Variants in PHACTR2 observed in about 807,000 individuals in gnomAD.
The protein encoded by PHACTR2 is phosphatase and actin regulator 2.
In PHACTR2, 30 loss-of-function variants were observed where a neutral mutation model predicts 76.0. The observed-to-expected ratio is 0.39, with a 90% CI of 0.30 to 0.54. PHACTR2 has a LOEUF of 0.54. PHACTR2 is among the 20% of genes least tolerant of loss of function. The probability of loss-of-function intolerance (pLI) is 0.61; values close to 1 mark genes in which losing one functional copy is unlikely to be tolerated. For synonymous variants in PHACTR2, 292 were observed against 292.5 expected, an observed-to-expected ratio of 1.00 and a Z score of 0.02; for missense variants, 696 against 781.1, an observed-to-expected ratio of 0.89 and a Z score of 1.30.
At chr6:143,714,170 C>T (rs1236129954) in intron 2 of PHACTR2, among the ~76,000 whole-genome samples, 1 of 152,108 alleles carries the variant, frequency 6.6e-6, no homozygotes, top group South Asian at 2.1e-4. Flanking sequence ...ATGATCAGGG[C>T]CATTTGCTGT....
chr6:143,552,760 C>A (rs1410558928), intron 1 of PHACTR2, among the ~76,000 whole-genome samples: 1 of 151,722 alleles, frequency 6.6e-6, no homozygotes, highest in Non-Finnish European at 1.5e-5. Context: ...AAAAATGAGC[C>A]GGGCATGGTG....
rs2128489420 is a variant in PHACTR2, at chr6:143,830,297, T to C, written c.*6608T>C. On this transcript the variant is annotated 3_prime_UTR_variant, in exon 13 of 13. Coordinates refer to ENST00000440869, the MANE Select transcript of PHACTR2 (RefSeq NM_001100164.2). Reference sequence around the variant, plus strand: ...ACAAGTTTCTTTTTTTTTTTTTTTTTTCTGTGTAACAGGGATTTTTAAATA... The same window carrying C: ...ACAAGTTTCTTTTTTTTTTTTTTTTCTCTGTGTAACAGGGATTTTTAAATA... The C allele has an allele frequency of 6.6e-6, 1 of 151,612 alleles. No individual in the cohort carries two copies. Among genetic ancestry groups the C allele is most frequent in the South Asian group, 2.1e-4 (1 of 4,820 alleles). The allele number at this position is 151,612 out of a possible 1,614,324, so 9.4% of individuals were successfully genotyped here.
chr6:143,578,089 A>G lies in PHACTR2; in HGVS notation c.217+40882A>G, dbSNP rs919973038. Among the ~76,000 whole-genome samples the G allele has an allele frequency of 4.6e-5, 7 of 152,118 alleles. No individual in the cohort carries two copies. Among genetic ancestry groups the G allele is most frequent in the African/African-American group, 1.7e-4 (7 of 41,440 alleles). ...TACTAGGCCCCTCCCTTTCCCTCTC[A>G]TGGATTAAATCAGCCATAGTCCAAA... On this transcript the variant is annotated intron_variant, in intron 1 of 11. Coordinates refer to the PHACTR2 transcript ENST00000367584. This position sits in a 1 kb window ranked among gnomAD's most constrained non-coding sequence, Gnocchi z 4.5.
chr6:143,544,270 G>A (rs180695170), intron 1 of PHACTR2, among the ~76,000 whole-genome samples: 5 of 152,290 alleles, frequency 3.3e-5, no homozygotes, highest in African/African-American at 1.2e-4. Flanking sequence ...AGGAAGGCGG[G>A]CAGGCTCCCA....
Position 143,709,487 on chromosome 6 carries a change from G to A in PHACTR2, c.47-2529G>A, listed in dbSNP as rs1051416730. ...CTTAGTGTGTCAAGTGATTTTCGAT[G>A]GAAACTTGGACATTTTTGTATTATG... On this transcript the variant is annotated intron_variant, in intron 1 of 12. Coordinates refer to ENST00000440869, the MANE Select transcript of PHACTR2 (RefSeq NM_001100164.2). This position sits in a 1 kb window ranked among gnomAD's most constrained non-coding sequence, Gnocchi z 4.4. Among the ~76,000 whole-genome samples, 5 of 152,154 alleles carry A rather than the reference G, an allele frequency of 3.3e-5. No homozygotes were observed. The highest frequency in any genetic ancestry group is 1.2e-4 in the African/African-American group (5 of 41,432).
chr6:143,706,656 T>C (rs1582793392), intron 1 of PHACTR2, among the ~76,000 whole-genome samples: 1 of 152,372 alleles, frequency 6.6e-6, no homozygotes, highest in Non-Finnish European at 1.5e-5. Flanking sequence ...CACATTTTGA[T>C]TCTTCTGTTC....
In PHACTR2 at chr6:143,647,372, C is replaced by G. The variant is rs1776677880; in HGVS notation, c.13+39050C>G. ...TGAAACCCTCCTGTTAACCAGTGAC[C>G]TTTTCTCCTCTCAAAATTCTGCAGT... On this transcript the variant is annotated intron_variant, in intron 1 of 11. Coordinates refer to the PHACTR2 transcript ENST00000305766. This position sits in a 1 kb window ranked among gnomAD's most constrained non-coding sequence, Gnocchi z 4.2. Among the ~76,000 whole-genome samples, 1 of 152,168 alleles carries G rather than the reference C, an allele frequency of 6.6e-6. No individual in the cohort carries two copies. The highest frequency in any genetic ancestry group is 2.1e-4 in the South Asian group (1 of 4,830).
rs1391350879 is a variant in PHACTR2, at chr6:143,639,229, AG to A, written c.13+30908del. Among the ~76,000 whole-genome samples the A allele has an allele frequency of 6.6e-6, 1 of 152,160 alleles. No homozygotes were observed. The highest frequency in any genetic ancestry group is 1.5e-5 in the Non-Finnish European group (1 of 68,030). On this transcript the variant is annotated intron_variant, in intron 1 of 11. Transcript: ENST00000305766. The surrounding 1 kb of genome is among the most constrained non-coding windows in gnomAD (Gnocchi z 5.0). ...ATGACAATTGCTGCAAAGTACCTGA[AG>A]TACAGTCTGTCTTTCCAAAACAAAT...
At chr6:143,714,479 C>T (rs1778256719) in intron 2 of PHACTR2, among the ~76,000 whole-genome samples, 3 of 152,198 alleles carry the variant, frequency 2.0e-5, no homozygotes, top group Middle Eastern at 3.2e-3. Flanking sequence ...AGAAGGGTCC[C>T]ATTCGTGGCC....
chr6:143,773,753 A>C (rs1050574148), intron 7 of PHACTR2, among the ~76,000 whole-genome samples: 1 of 152,252 alleles, frequency 6.6e-6, no homozygotes, highest in Non-Finnish European at 1.5e-5. Flanking sequence ...ATTCATTTCT[A>C]TGATCCACCC....
intron 1 of PHACTR2, among the ~76,000 whole-genome samples, chr6:143,594,316 T>C (rs914095625): frequency 3.9e-5 from 6 of 152,224 alleles, no homozygotes; most frequent in African/African-American, 9.6e-5. Flanking sequence ...ATGAAAACCA[T>C]TGACATTGCA....
rs1775759922 is a variant in PHACTR2 at position 143,596,710 on chromosome 6, T to C, written c.217+59503T>C. Among the ~76,000 whole-genome samples the C allele has an allele frequency of 2.0e-5, 3 of 152,044 alleles. No homozygotes were observed. Among genetic ancestry groups the C allele is most frequent in the Admixed American group, 2.0e-4 (3 of 15,262 alleles). ...AAAGTTAGCTGGCTGTGGTGGTATG[T>C]GACAGTAGTCCCAGCTACTTGGGAG... is the stretch of plus-strand genomic sequence containing the variant. On this transcript the variant is annotated intron_variant, in intron 1 of 11. Coordinates refer to the PHACTR2 transcript ENST00000367584. This position sits in a 1 kb window ranked among gnomAD's most constrained non-coding sequence, Gnocchi z 4.6.
intron 9 of PHACTR2, among the ~76,000 whole-genome samples, chr6:143,778,473 CTTT>C (rs35759832): frequency 1.4e-5 from 2 of 144,190 alleles, no homozygotes; most frequent in Admixed American, 6.9e-5. Context: ...TTTTTTCTGG[CTTT>C]TTTTTTTTTG....
chr6:143,706,600 T>C (rs1158056605), intron 1 of PHACTR2, among the ~76,000 whole-genome samples: 2 of 152,182 alleles, frequency 1.3e-5, no homozygotes, highest in Admixed American at 6.5e-5. Flanking sequence ...CCAATATACA[T>C]GTTCAGCAGT....
At chr6:143,544,115 T>C (rs959924513) in intron 1 of PHACTR2, among the ~76,000 whole-genome samples, 1 of 152,046 alleles carries the variant, frequency 6.6e-6, no homozygotes, top group African/African-American at 2.4e-5. Flanking sequence ...CTGAGGTGGG[T>C]TGTAGAAACT....
rs1245503532 is a variant in PHACTR2, at chr6:143,708,277, G to A, written c.47-3739G>A. On this transcript the variant is annotated intron_variant, in intron 1 of 12. Coordinates refer to ENST00000440869, the MANE Select transcript of PHACTR2 (RefSeq NM_001100164.2). This position sits in a 1 kb window ranked among gnomAD's most constrained non-coding sequence, Gnocchi z 5.5. Reference sequence around the variant, plus strand: ...GTGTTGTGGGGAAATTCTGTTAGGGGTGGGCTTGTTTCAGTGGGAAGATAG... The same window carrying A: ...GTGTTGTGGGGAAATTCTGTTAGGGATGGGCTTGTTTCAGTGGGAAGATAG... 6.6e-6 allele frequency among the ~76,000 whole-genome samples: 1 copy of A among 152,174 alleles called. No individual in the cohort carries two copies. Among genetic ancestry groups the A allele is most frequent in the Non-Finnish European group, 1.5e-5 (1 of 68,036 alleles).
chr6:143,690,875 A>C (rs555925190), intron 1 of PHACTR2, among the ~76,000 whole-genome samples: 1 of 152,340 alleles, frequency 6.6e-6, no homozygotes, highest in East Asian at 1.9e-4. Context: ...TCTACATTGA[A>C]TAATTGTGGT....
Position 143,767,922 on chromosome 6 carries a change from C to G in PHACTR2, c.1232+2124C>G, listed in dbSNP as rs182346677. 1.1e-3 allele frequency among the ~76,000 whole-genome samples: 162 copies of G among 152,320 alleles called. 1 individual carries two copies. The highest frequency in any genetic ancestry group is 1.4e-3 in the Non-Finnish European group (98 of 68,024). ...GCATGATCTCGGCTCACCTCAACCTCTGCCTCCCAGGTTCAAGCAATTCTC... is the reference window on the plus strand; with the variant it reads ...GCATGATCTCGGCTCACCTCAACCTGTGCCTCCCAGGTTCAAGCAATTCTC... On this transcript the variant is annotated intron_variant, in intron 6 of 12. Coordinates refer to ENST00000440869, the MANE Select transcript of PHACTR2 (RefSeq NM_001100164.2). The surrounding 1 kb of genome is among the most constrained non-coding windows in gnomAD (Gnocchi z 4.4).
chr6:143,805,861 T>C (rs1163133143), intron 11 of PHACTR2, among the ~76,000 whole-genome samples: 3 of 152,208 alleles, frequency 2.0e-5, no homozygotes, highest in Non-Finnish European at 4.4e-5. Flanking sequence ...GGCTCGTGTA[T>C]TGCAGAATGA....
Sources: allele counts gnomAD v4.1 joint callset (sites outside exome capture counted in the v4.1 genomes callset), GRCh38; gene constraint gnomAD v4.1.1; non-coding constraint Gnocchi (gnomAD v3.1); transcripts MANE v1.5; gene names NCBI Gene and HGNC (gene_info 2026-07-23, HGNC 2026-07-21).